MCC: variants seen among roughly 807,000 people sequenced by gnomAD.
MCC encodes the protein colorectal mutant cancer protein.
Under a neutral mutation model 116.2 loss-of-function variants are expected in MCC, and 90 were observed. That is an observed-to-expected ratio of 0.77 (90% confidence interval 0.65 to 0.92). The LOEUF is 0.92. MCC is among the 40% of genes least tolerant of loss of function. The pLI, the probability that MCC is intolerant of heterozygous loss-of-function variation, is 0.00. For synonymous variants in MCC, 578 were observed against 510.5 expected, an observed-to-expected ratio of 1.13 and a Z score of -1.78; for missense variants, 1,516 against 1,312.2, an observed-to-expected ratio of 1.16 and a Z score of -2.40.
intron 8 of MCC, 56 bp from the exon 9 acceptor site, chr5:113,085,366 A>G (rs1755141243): frequency 2.0e-6 from 3 of 1,531,498 alleles, no homozygotes; most frequent in Non-Finnish European, 2.7e-6. Context: ...AAAGAGCAAA[A>G]CAGCCAGATG....
chr5:113,059,503 G>A (rs935965978), intron 14 of MCC, among the ~76,000 whole-genome samples: 2 of 152,226 alleles, frequency 1.3e-5, no homozygotes, highest in Non-Finnish European at 2.9e-5. Context: ...AGCTTGGAAT[G>A]CTGGATGATC....
At chr5:113,082,282 G>A (rs555140554) in intron 11 of MCC, among the ~76,000 whole-genome samples, 60 of 152,362 alleles carry the variant, frequency 3.9e-4, no homozygotes, top group African/African-American at 5.8e-4. Flanking sequence ...GCACATTTGC[G>A]AAGAACATAA....
intron 3 of MCC, among the ~76,000 whole-genome samples, chr5:113,265,963 A>G (rs1488554153): frequency 6.6e-6 from 1 of 152,162 alleles, no homozygotes; most frequent in African/African-American, 2.4e-5. Flanking sequence ...CTGCCATAAT[A>G]TAGGTAGGGA....
At chr5:113,429,890 T>C (rs930293051) in intron 1 of MCC, among the ~76,000 whole-genome samples, 1 of 152,204 alleles carries the variant, frequency 6.6e-6, no homozygotes, top group Admixed American at 6.5e-5. Context: ...TAAAACGTCC[T>C]GTGAGATAAT....
At chr5:113,278,051 TCCC>T (rs1765893735) in intron 3 of MCC, among the ~76,000 whole-genome samples, 1 of 152,192 alleles carries the variant, frequency 6.6e-6, no homozygotes, top group Non-Finnish European at 1.5e-5. Flanking sequence ...TGGGTATTAT[TCCC>T]AATGCCTGTC....
intron 1 of MCC, among the ~76,000 whole-genome samples, chr5:113,463,347 C>A (rs936172551): frequency 1.3e-5 from 2 of 151,972 alleles, no homozygotes; most frequent in African/African-American, 4.8e-5. Context: ...TGGAGGGAGG[C>A]CAAAGGAGAG....
At chr5:113,053,065 C>T (rs887768134) in intron 15 of MCC, among the ~76,000 whole-genome samples, 2 of 152,202 alleles carry the variant, frequency 1.3e-5, no homozygotes, top group Admixed American at 1.3e-4. Context: ...CAGAAACAGG[C>T]AAAGTGATGT....
At chr5:113,343,153 G>C (rs1386140317) in intron 2 of MCC, among the ~76,000 whole-genome samples, 2 of 152,142 alleles carry the variant, frequency 1.3e-5, no homozygotes, top group Non-Finnish European at 2.9e-5. Context: ...CCTCTTATCA[G>C]GTATTGATGA....
chr5:113,189,371 A>C (rs1450178355), intron 3 of MCC, among the ~76,000 whole-genome samples: 3 of 152,224 alleles, frequency 2.0e-5, no homozygotes, highest in Non-Finnish European at 4.4e-5. Context: ...TTTTACAGTT[A>C]AACAGAAGAG....
At chr5:113,319,421 C>G (rs78852604) in intron 3 of MCC, among the ~76,000 whole-genome samples, 21,528 of 152,070 alleles carry the variant, frequency 0.14, 2,402 homozygotes, top group Admixed American at 0.28. Flanking sequence ...CTATTCTTGT[C>G]GTATGATACC....
chr5:113,347,297 G>A (rs941094935), intron 2 of MCC, among the ~76,000 whole-genome samples: 14 of 152,016 alleles, frequency 9.2e-5, no homozygotes, highest in African/African-American at 3.1e-4. Flanking sequence ...GACATAAACA[G>A]TAAAATGAGA....
intron 3 of MCC, among the ~76,000 whole-genome samples, chr5:113,336,516 C>T (rs913768798): frequency 6.6e-6 from 1 of 151,712 alleles, no homozygotes; most frequent in Non-Finnish European, 1.5e-5. Context: ...TCCAGTTTGT[C>T]CTCAATGGTC....
intron 5 of MCC, 53 bp from the exon 6 acceptor site, chr5:113,122,879 C>A (rs1757821628): frequency 6.4e-7 from 1 of 1,568,918 alleles, no homozygotes; most frequent in African/African-American, 1.4e-5. Flanking sequence ...AGACAACCCC[C>A]TAGAGAATAT....
At chr5:113,419,454 C>T (rs1357168900) in intron 1 of MCC, among the ~76,000 whole-genome samples, 1 of 151,874 alleles carries the variant, frequency 6.6e-6, no homozygotes, top group Non-Finnish European at 1.5e-5. Context: ...ACCTCAAGCT[C>T]CCAAAGTGCT....
rs555281798 is a variant in MCC, at chr5:113,398,716, T to TA, written c.171-13505_171-13504insT. ...AGGAAGGAGATCAAAGGTTGAAAAA[T>TA]TATTGGGTACTATGTTCACTATCTG... On this transcript the variant is annotated intron_variant, in intron 1 of 18. Transcript: ENST00000408903. Among the ~76,000 whole-genome samples the TA allele has an allele frequency of 4.0e-3, 604 of 152,282 alleles. 2 individuals are homozygous for TA. The highest frequency in any genetic ancestry group is 6.3e-3 in the Non-Finnish European group (426 of 68,014).
At chr5:113,396,759 T>C (rs149167853) in intron 1 of MCC, among the ~76,000 whole-genome samples, 3,033 of 152,340 alleles carry the variant, frequency 0.02, 340 homozygotes, top group Admixed American at 0.18. Flanking sequence ...GTCTATTTTC[T>C]TCACTGTTGT....
chr5:113,331,591 T>A (rs561197481), intron 3 of MCC, among the ~76,000 whole-genome samples: 2 of 150,832 alleles, frequency 1.3e-5, no homozygotes, highest in African/African-American at 2.5e-5. Context: ...GAAATTATTA[T>A]TTTTTTCATG....
intron 3 of MCC, among the ~76,000 whole-genome samples, chr5:113,242,689 G>C (rs115008780): frequency 0.015 from 2,275 of 152,156 alleles, 32 homozygotes; most frequent in Middle Eastern, 0.034. Context: ...TATGAACAAG[G>C]AACATGACCA....
chr5:113,468,983 G>A (rs1032734272), intron 1 of MCC, among the ~76,000 whole-genome samples: 42 of 152,304 alleles, frequency 2.8e-4, no homozygotes, highest in African/African-American at 9.4e-4. Context: ...GGTGTTTATA[G>A]TACTCTCTGA....
Sources: gnomAD v4.1 joint callset for allele counts (sites outside exome capture counted in the v4.1 genomes callset) on GRCh38, gnomAD v4.1.1 for gene constraint, MANE v1.5 for transcripts, NCBI Gene and HGNC (gene_info 2026-07-23, HGNC 2026-07-21) for gene names.